The following FAM186A variants were observed in gnomAD, a reference collection of about 807,000 sequenced individuals.
The protein encoded by FAM186A is family with sequence similarity 186 member A.
A neutral mutation model predicts 216.8 loss-of-function variants in FAM186A; 163 were observed. The observed-to-expected ratio is 0.75, with a 90% CI of 0.66 to 0.86. The LOEUF (loss-of-function observed/expected upper bound fraction) is 0.86, where lower values mean the gene tolerates loss of function less well. Among genes scored for constraint, FAM186A ranks in the 40% least tolerant of loss-of-function variants. The pLI is 0.00. For missense variants in FAM186A, 2,184 were observed against 2,746.2 expected (o/e 0.80, Z 4.58); for synonymous variants, 805 against 1,025.3 (o/e 0.79, Z 4.10).
intron 4 of FAM186A, among the ~76,000 whole-genome samples, chr12:50,350,050 T>C (rs758369163): frequency 7.9e-5 from 12 of 152,146 alleles, no homozygotes; most frequent in Non-Finnish European, 1.3e-4. Flanking sequence ...ACTTTTGAAA[T>C]TGATGTTTTG....
intron 1 of FAM186A, among the ~76,000 whole-genome samples, chr12:50,396,042 C>T (rs1048574058): frequency 2.6e-5 from 4 of 152,270 alleles, no homozygotes; most frequent in East Asian, 3.9e-4. Context: ...GGATTACAGG[C>T]GTGAGCCACC....
chr12:50,359,652 C>T (rs1476336533), intron 3 of FAM186A, among the ~76,000 whole-genome samples: 2 of 152,108 alleles, frequency 1.3e-5, no homozygotes, highest in Non-Finnish European at 2.9e-5. Flanking sequence ...TGTATATCAA[C>T]TGGTGAATGG....
intron 4 of FAM186A, among the ~76,000 whole-genome samples, chr12:50,336,460 C>T (rs7134337): frequency 0.32 from 48,817 of 151,854 alleles, 8,120 homozygotes; most frequent in South Asian, 0.48. Context: ...ATGGGGTAGA[C>T]GGGTGGGGTG....
chr12:50,355,826 C>T lies in FAM186A; in HGVS notation c.1006G>A (p.Val336Ile). The change falls in exon 4 of 8, where the codon GTT becomes ATT. Residue 336 changes from valine to isoleucine, a missense_variant. By Grantham distance (29) the Val-to-Ile change is conservative (BLOSUM62 3). Around this residue, in one of 7 missense-constraint regions of FAM186A, gnomAD observed 1,132 missense variants for 1,263.4 expected, o/e 0.90. Transcript: ENST00000327337. ...AATTTTGCATATAGTTGTTCTATAACAATTTTGGATCGAATAAGTTGTTCA... is the reference window on the plus strand; with the variant it reads ...AATTTTGCATATAGTTGTTCTATAATAATTTTGGATCGAATAAGTTGTTCA... ...KCEQLIRSKI[V>I]IEQLYAKLST... 6.4e-7 allele frequency: 1 copy of T among 1,551,476 alleles called. No homozygotes were observed. The highest frequency in any genetic ancestry group is 8.7e-7 in the Non-Finnish European group (1 of 1,146,952).
At position 50,334,064 on chromosome 12, in the gene FAM186A, A is replaced by G. The variant is rs761136484; in HGVS notation, c.6543T>C (p.Thr2181=). The change falls in exon 5 of 8, where the codon ACT becomes ACC. Residue 2181 remains threonine, a synonymous_variant. Coordinates refer to ENST00000327337, the MANE Select transcript of FAM186A (RefSeq NM_001145475.3). Reference sequence around the variant, plus strand: ...GGTTCCTGGCCTCATAGCCTTTCCCAGTATTTTGGATGGCTTTTAGTCGTT... The same window carrying G: ...GGTTCCTGGCCTCATAGCCTTTCCCGGTATTTTGGATGGCTTTTAGTCGTT... The part of the protein sequence containing the change: ...IMKRLKAIQN[T]GKGYEARNLH... 2.0e-5 allele frequency: 31 copies of G among 1,549,146 alleles called. No individual in the cohort carries two copies. The highest frequency in any genetic ancestry group is 3.6e-5 in the South Asian group (3 of 83,386).
chr12:50,372,949 GAGGA>G (rs1259002805), intron 1 of FAM186A, among the ~76,000 whole-genome samples: 2 of 132,978 alleles, frequency 1.5e-5, no homozygotes, highest in African/African-American at 5.5e-5. Context: ...AGGAAGGAAG[GAGGA>G]AGGAGGGAGG....
At chr12:50,362,068 G>A (rs916137719) in intron 2 of FAM186A, among the ~76,000 whole-genome samples, 12 of 151,934 alleles carry the variant, frequency 7.9e-5, no homozygotes, top group African/African-American at 2.7e-4. Flanking sequence ...CACCTCCCGG[G>A]TTCAAACAGT....
Position 50,354,821 on chromosome 12 carries a change from C to A in FAM186A, c.2011G>T (p.Glu671Ter). The A allele has an allele frequency of 6.5e-7, 1 of 1,536,568 alleles. No homozygotes were observed. Among genetic ancestry groups the A allele is most frequent in the East Asian group, 2.4e-5 (1 of 40,858 alleles). ...DGKSEQSNLE[E>*]FQEAIMAFLK... ...AAAGCCATTATGGCTTCCTGAAATTCTTCGAGGTTACTCTGTTCACTTTTG... is the reference window on the plus strand; with the variant it reads ...AAAGCCATTATGGCTTCCTGAAATTATTCGAGGTTACTCTGTTCACTTTTG... The change falls in exon 4 of 8, where the codon GAA becomes TAA. Residue 671 changes from glutamate (E) to a stop codon, truncating the protein, a stop_gained. Transcript: ENST00000327337. LOFTEE classifies it high-confidence loss of function.
At chr12:50,369,379 T>C (rs1228353130) in intron 1 of FAM186A, among the ~76,000 whole-genome samples, 1 of 150,596 alleles carries the variant, frequency 6.6e-6, no homozygotes, top group Non-Finnish European at 1.5e-5. Flanking sequence ...TAGACCCAAC[T>C]ACTCGGGAGG....
intron 1 of FAM186A, among the ~76,000 whole-genome samples, chr12:50,385,211 A>G (rs1943290783): frequency 1.3e-5 from 2 of 148,532 alleles, no homozygotes; most frequent in African/African-American, 4.9e-5. Flanking sequence ...TGAGGTCAGG[A>G]GTTCAAGACC....
intron 4 of FAM186A, among the ~76,000 whole-genome samples, chr12:50,345,603 G>C (rs998186944): frequency 1.3e-5 from 2 of 152,142 alleles, no homozygotes; most frequent in African/African-American, 4.8e-5. Context: ...ATTGGACAGA[G>C]AGTCCTTTCC....
rs1285167080 is a variant in FAM186A at position 50,353,436 on chromosome 12, C to T, written c.3396G>A (p.Gly1132=). The change falls in exon 4 of 8, where the codon GGG becomes GGA. Residue 1132 remains glycine (G), a synonymous_variant. Transcript: ENST00000327337. Reference sequence around the variant, plus strand: ...GGGTCTGCTGAGGGGTGAGAGGGATCCCCAGGGCCTGCGCCTGCTGAGGGG... The same window carrying T: ...GGGTCTGCTGAGGGGTGAGAGGGATTCCCAGGGCCTGCGCCTGCTGAGGGG... The part of the protein sequence containing the change: ...LFTPQQAQAL[G]IPLTPQQTQV... The T allele has an allele frequency of 6.6e-7, 1 of 1,524,406 alleles. No homozygotes were observed. The highest frequency in any genetic ancestry group is 1.4e-5 in the African/African-American group (1 of 69,990). 94.4% of individuals were successfully genotyped at this position (1,524,406 alleles called of 1,614,324 possible).
chr12:50,360,554 A>G (rs1373041836), intron 3 of FAM186A, among the ~76,000 whole-genome samples: 1 of 151,934 alleles, frequency 6.6e-6, no homozygotes, highest in Non-Finnish European at 1.5e-5. Flanking sequence ...GCGTGGTGGT[A>G]CACGTCTGTA....
At chr12:50,372,772 G>A (rs1273628319) in intron 1 of FAM186A, among the ~76,000 whole-genome samples, 1 of 150,744 alleles carries the variant, frequency 6.6e-6, no homozygotes, top group East Asian at 1.9e-4. Context: ...CATATTGGTG[G>A]GTGACTGTAA....
In FAM186A at chr12:50,350,365, C is replaced by A. The variant is rs188924857; in HGVS notation, c.6467G>T (p.Arg2156Leu). The change falls in exon 4 of 8, where the codon CGC becomes CTC. Residue 2156 changes from arginine (R) to leucine (L), a missense_variant. By Grantham distance (102) the Arg-to-Leu change is moderately radical. Around this residue, in one of 7 missense-constraint regions of FAM186A, gnomAD observed 721 missense variants for 816.4 expected, o/e 0.88. Coordinates refer to ENST00000327337, the MANE Select transcript of FAM186A (RefSeq NM_001145475.3). The part of the protein sequence containing the change: ...MDTVQLGYLF[R>L]KYIAYRLIQH... ...GATCAGCCTATAGGCAATGTACTTGCGGAATAAGTATCCCAACTGAACTGT... is the reference window on the plus strand; with the variant it reads ...GATCAGCCTATAGGCAATGTACTTGAGGAATAAGTATCCCAACTGAACTGT... 6.5e-7 allele frequency: 1 copy of A among 1,550,298 alleles called. No individual in the cohort carries two copies. The highest frequency in any genetic ancestry group is 8.7e-7 in the Non-Finnish European group (1 of 1,146,504).
chr12:50,382,310 C>A (rs1943260945), intron 1 of FAM186A, among the ~76,000 whole-genome samples: 1 of 150,050 alleles, frequency 6.7e-6, no homozygotes, highest in Non-Finnish European at 1.5e-5. Context: ...GTAGGCTGGT[C>A]AACTTAAGCA....
chr12:50,364,097 GGGTACTAAGGAATGCTAGCCCA>G (rs1171245639), intron 1 of FAM186A, among the ~76,000 whole-genome samples: 2 of 152,122 alleles, frequency 1.3e-5, no homozygotes, highest in African/African-American at 2.4e-5. Flanking sequence ...ATTTAGTAGA[GGGTACTAAGGAATGCTAGCCCA>G]CCCTACAGTG....
chr12:50,388,078 G>A (rs973177674), intron 1 of FAM186A, among the ~76,000 whole-genome samples: 1 of 152,078 alleles, frequency 6.6e-6, no homozygotes. Context: ...CATAGTTATG[G>A]TTGATTAAAC....
chr12:50,353,959 G>A lies in FAM186A; in HGVS notation c.2873C>T (p.Pro958Leu). Reference sequence around the variant, plus strand: ...CTTCCCTTTCTCCCTTCTCCTGTGTGGCCCCAAATGTTTCGCTTCCTTCTG... The same window carrying A: ...CTTCCCTTTCTCCCTTCTCCTGTGTAGCCCCAAATGTTTCGCTTCCTTCTG... The part of the protein sequence containing the change: ...QIQKEAKHLG[P>L]HRRREKGKEK... Residue 958 changes from proline to leucine, a missense_variant, in exon 4 of 8, where the codon CCA becomes CTA. Physicochemically the swap from Pro to Leu is moderately conservative, Grantham distance 98 (BLOSUM62 -3). Coordinates refer to ENST00000327337, the MANE Select transcript of FAM186A (RefSeq NM_001145475.3). 1 of 1,553,386 alleles carries A rather than the reference G, an allele frequency of 6.4e-7. No individual in the cohort carries two copies. Among genetic ancestry groups the A allele is most frequent in the South Asian group, 1.2e-5 (1 of 84,106 alleles).
Sources: allele counts gnomAD v4.1 joint callset (sites outside exome capture counted in the v4.1 genomes callset), GRCh38; gene constraint gnomAD v4.1.1; regional missense constraint gnomAD v4.1.1; transcripts MANE v1.5; gene names NCBI Gene and HGNC (gene_info 2026-07-23, HGNC 2026-07-21).